LRRIQ3: variants seen among roughly 807,000 people sequenced by gnomAD.
LRRIQ3 encodes leucine-rich repeat and IQ domain-containing protein 3.
Under a neutral mutation model 59.3 loss-of-function variants are expected in LRRIQ3, and 75 were observed. That is an observed-to-expected ratio of 1.26 (90% CI 1.05 to 1.53). The LOEUF (loss-of-function observed/expected upper bound fraction) is 1.53. Ranked by LOEUF, LRRIQ3 falls within the 40% of genes most tolerant of loss-of-function variation. The pLI is 0.00. For synonymous variants in LRRIQ3, 250 were observed against 231.3 expected, an observed-to-expected ratio of 1.08 and a Z score of -0.73; for missense variants, 831 against 710.0, an observed-to-expected ratio of 1.17 and a Z score of -1.94.
intron 3 of LRRIQ3, among the ~76,000 whole-genome samples, chr1:74,158,053 T>G (rs930237159): frequency 1.3e-5 from 2 of 152,148 alleles, no homozygotes; most frequent in African/African-American, 4.8e-5. Context: ...CTCTCTTTTT[T>G]TATGCTTCCT....
chr1:74,180,831 T>C, intron 3 of LRRIQ3: 2 of 1,539,008 alleles, frequency 1.3e-6, no homozygotes, highest in Non-Finnish European at 8.8e-7. Flanking sequence ...ATAAATATTC[T>C]TCAAAAAGGC....
At position 74,077,453 on chromosome 1, in the gene LRRIQ3, A is replaced by AC. The variant is rs201677820; in HGVS notation, c.868-2664dup. ...TTAGATTCCCCTGAAAAAAACAAGAACCCCCCCCAAAAAAAATCTGTCAAA... is the reference window on the plus strand; with the variant it reads ...TTAGATTCCCCTGAAAAAAACAAGAACCCCCCCCCAAAAAAAATCTGTCAAA... On this transcript the variant is annotated intron_variant, in intron 5 of 7. Coordinates refer to ENST00000354431, the MANE Select transcript of LRRIQ3 (RefSeq NM_001105659.2). Among the ~76,000 whole-genome samples the AC allele has an allele frequency of 2.6e-3, 392 of 149,766 alleles. 2 individuals are homozygous for AC. The highest frequency in any genetic ancestry group is 9.0e-3 in the African/African-American group (368 of 40,742).
intron 4 of LRRIQ3, among the ~76,000 whole-genome samples, chr1:74,137,475 A>G (rs1447014665): frequency 6.6e-6 from 1 of 152,108 alleles, no homozygotes; most frequent in African/African-American, 2.4e-5. Context: ...AGAAATAGGA[A>G]CACTTTTACA....
At chr1:74,136,349 GAGAA>G (rs1647123857) in intron 4 of LRRIQ3, among the ~76,000 whole-genome samples, 1 of 151,878 alleles carries the variant, frequency 6.6e-6, no homozygotes, top group African/African-American at 2.4e-5. Flanking sequence ...TCCAGAAATA[GAGAA>G]AGAAACACAT....
chr1:74,130,608 A>AT lies in LRRIQ3; in HGVS notation c.708-21056dup, dbSNP rs891934487. Among the ~76,000 whole-genome samples the AT allele has an allele frequency of 1.8e-4, 28 of 151,982 alleles. No individual in the cohort carries two copies. In the East Asian group the frequency reaches 2.5e-3, roughly 14 times the overall value. On this transcript the variant is annotated intron_variant, in intron 4 of 7. Coordinates refer to ENST00000354431, the MANE Select transcript of LRRIQ3 (RefSeq NM_001105659.2). ...TTGATTTTTGGTTCTTATAAATGTG[A>AT]TTTTTTTTGTGCCGATAGTTCTTCA...
intron 1 of LRRIQ3, among the ~76,000 whole-genome samples, chr1:74,193,451 A>T (rs1390319036): frequency 6.6e-6 from 1 of 152,172 alleles, no homozygotes; most frequent in African/African-American, 2.4e-5. Flanking sequence ...CACATCAGTT[A>T]TATCTCATCT....
At chr1:74,103,010 C>T (rs1226408638) in intron 5 of LRRIQ3, among the ~76,000 whole-genome samples, 4 of 151,938 alleles carry the variant, frequency 2.6e-5, no homozygotes, top group African/African-American at 7.2e-5. Context: ...TATCTTTAGC[C>T]TCTGGTAGCT....
At position 74,078,184 on chromosome 1, in the gene LRRIQ3, T is replaced by C. The variant is rs573954286; in HGVS notation, c.868-3394A>G. On this transcript the variant is annotated intron_variant, in intron 5 of 7. Coordinates refer to ENST00000354431, the MANE Select transcript of LRRIQ3 (RefSeq NM_001105659.2). ...GATAAAATCTTTCATTACTTTTAGA[T>C]AGAGATCAGAAACGTTGAGTGACCA... Among the ~76,000 whole-genome samples the C allele has an allele frequency of 8.7e-4, 132 of 151,922 alleles. 1 individual carries two copies. The highest frequency in any genetic ancestry group is 1.8e-3 in the Non-Finnish European group (120 of 67,806).
In LRRIQ3 at chr1:74,163,137, A is replaced by T. The variant is rs568707577; in HGVS notation, c.574-7271T>A. On this transcript the variant is annotated intron_variant, in intron 3 of 7. Coordinates refer to ENST00000354431, the MANE Select transcript of LRRIQ3 (RefSeq NM_001105659.2). ...ACAATTATATCAGTTAATTTTTTTTAAAAATCCAAATTTGGCACACATTTT... is the reference window on the plus strand; with the variant it reads ...ACAATTATATCAGTTAATTTTTTTTTAAAATCCAAATTTGGCACACATTTT... Among the ~76,000 whole-genome samples the T allele has an allele frequency of 3.3e-5, 5 of 151,668 alleles. No individual in the cohort carries two copies. In the South Asian group the frequency reaches 8.3e-4, roughly 25 times the overall value.
At chr1:74,088,037 G>A (rs1404579980) in intron 5 of LRRIQ3, among the ~76,000 whole-genome samples, 1 of 152,014 alleles carries the variant, frequency 6.6e-6, no homozygotes, top group East Asian at 1.9e-4. Flanking sequence ...AAGTTACAGT[G>A]AGTGGAGATT....
rs1399797698 is a variant in LRRIQ3 at position 74,138,364 on chromosome 1, T to C, written c.707+17369A>G. On this transcript the variant is annotated intron_variant, in intron 4 of 7. Coordinates refer to ENST00000354431, the MANE Select transcript of LRRIQ3 (RefSeq NM_001105659.2). Reference sequence around the variant, plus strand: ...TCACAAAAAGTCTATTTTCAGCTATTCCTTCTGAGTAAACTGGGGCCAAAA... The same window carrying C: ...TCACAAAAAGTCTATTTTCAGCTATCCCTTCTGAGTAAACTGGGGCCAAAA... 3 of 368,732 alleles carry C rather than the reference T, an allele frequency of 8.1e-6. No homozygotes were observed. The Admixed American group carries it at 1.9e-4, about 24-fold the overall frequency. 22.8% of individuals were successfully genotyped at this position (368,732 alleles called of 1,614,324 possible). A position where few individuals can be genotyped will look rare whatever the true frequency, so the allele number is the denominator to read the frequency against.
chr1:74,075,056 G>A (rs1283586904), intron 5 of LRRIQ3, among the ~76,000 whole-genome samples: 1 of 152,036 alleles, frequency 6.6e-6, no homozygotes, highest in Admixed American at 6.6e-5. Flanking sequence ...GGAAAGTGCT[G>A]TGACAAAAGG....
chr1:74,119,063 C>A (rs1177338803), intron 4 of LRRIQ3, among the ~76,000 whole-genome samples: 1 of 152,052 alleles, frequency 6.6e-6, no homozygotes, highest in Non-Finnish European at 1.5e-5. Context: ...AGCACCGTAG[C>A]CTAGCTATGT....
chr1:74,113,474 T>C (rs544593291), intron 4 of LRRIQ3, among the ~76,000 whole-genome samples: 14 of 152,090 alleles, frequency 9.2e-5, no homozygotes, highest in African/African-American at 3.4e-4. Flanking sequence ...CATAGTAAAA[T>C]TATTGAAATC....
At chr1:74,073,986 C>T (rs949508881) in intron 6 of LRRIQ3, among the ~76,000 whole-genome samples, 2 of 151,912 alleles carry the variant, frequency 1.3e-5, no homozygotes, top group Admixed American at 1.3e-4. Flanking sequence ...CATTTTTATT[C>T]AACAAAAATG....
chr1:74,070,788 C>T (rs926612607), intron 6 of LRRIQ3, among the ~76,000 whole-genome samples: 1 of 151,364 alleles, frequency 6.6e-6, no homozygotes, highest in Non-Finnish European at 1.5e-5. Flanking sequence ...ACTATCTGTC[C>T]AACAATCCAC....
intron 3 of LRRIQ3, among the ~76,000 whole-genome samples, chr1:74,166,165 C>T (rs1370834314): frequency 2.6e-5 from 4 of 151,408 alleles, no homozygotes; most frequent in African/African-American, 9.7e-5. Flanking sequence ...GATAATTCTC[C>T]AGTGAAGCAA....
chr1:74,136,195 A>G (rs973826888), intron 4 of LRRIQ3, among the ~76,000 whole-genome samples: 4 of 151,942 alleles, frequency 2.6e-5, no homozygotes, highest in Non-Finnish European at 4.4e-5. Flanking sequence ...GAAATAGAAA[A>G]CCTAGATAGA....
intron 4 of LRRIQ3, among the ~76,000 whole-genome samples, chr1:74,133,498 G>T (rs1368804561): frequency 6.6e-6 from 1 of 152,072 alleles, no homozygotes; most frequent in African/African-American, 2.4e-5. Context: ...TTAAGAAAAT[G>T]TGGCACATAT....
Sources: allele counts gnomAD v4.1 joint callset (sites outside exome capture counted in the v4.1 genomes callset), GRCh38; gene constraint gnomAD v4.1.1; transcripts MANE v1.5; gene names NCBI Gene and HGNC (gene_info 2026-07-23, HGNC 2026-07-21).